The following C11orf65 variants were observed in gnomAD, a reference collection of about 807,000 sequenced individuals.
The protein encoded by C11orf65 is protein MFI.
Under a neutral mutation model 35.3 loss-of-function variants are expected in C11orf65, and 38 were observed. The observed-to-expected ratio is 1.08, with a 90% CI of 0.83 to 1.41. The LOEUF is 1.41. C11orf65 is among the 40% of genes most tolerant of loss of function. The probability of loss-of-function intolerance (pLI) is 0.00; values close to 1 mark genes in which losing one functional copy is unlikely to be tolerated. For synonymous variants in C11orf65, 105 were observed against 114.4 expected (o/e 0.92, Z 0.53); for missense variants, 370 against 367.1 (o/e 1.01, Z -0.06).
chr11:108,329,150 T>C (rs1565526951), downstream of C11orf65: 1 of 1,614,002 alleles, frequency 6.2e-7, no homozygotes, highest in Non-Finnish European at 8.5e-7. Flanking sequence ...CTACATGAAA[T>C]CATCGGAATT....
downstream of C11orf65, among the ~76,000 whole-genome samples, chr11:108,379,971 T>G (rs2091834429): frequency 6.6e-6 from 1 of 152,178 alleles, no homozygotes; most frequent in South Asian, 2.1e-4. Context: ...ACCCATTACA[T>G]GAGACATTTG....
chr11:108,444,499 G>T (rs4753843), intron 2 of C11orf65, among the ~76,000 whole-genome samples: 2 of 151,976 alleles, frequency 1.3e-5, no homozygotes, highest in African/African-American at 4.8e-5. Context: ...ACCAAAGCCT[G>T]GCAGAGACAC....
At chr11:108,396,491 T>C (rs987638063) in intron 6 of C11orf65, among the ~76,000 whole-genome samples, 4 of 152,134 alleles carry the variant, frequency 2.6e-5, no homozygotes, top group East Asian at 1.9e-4. Context: ...AAGAGAGTCA[T>C]AGTAATTGTT....
At chr11:108,447,862 G>C (rs941956680) in intron 2 of C11orf65, among the ~76,000 whole-genome samples, 2 of 151,986 alleles carry the variant, frequency 1.3e-5, no homozygotes, top group African/African-American at 2.4e-5. Flanking sequence ...TTTTTGAAAA[G>C]ATCAACAAAA....
chr11:108,348,369 TTAATA>T (rs1268402189), intron 2 of C11orf65, among the ~76,000 whole-genome samples: 3 of 151,436 alleles, frequency 2.0e-5, no homozygotes, highest in African/African-American at 7.3e-5. Context: ...AATAGACAGT[TTAATA>T]TATAAGAAAG....
chr11:108,366,087 G>T (rs758973253), intron 2 of C11orf65: 13 of 186,082 alleles, frequency 7.0e-5, no homozygotes, highest in Non-Finnish European at 1.1e-4. Flanking sequence ...AGATCACTCA[G>T]TGTTACTAAA....
downstream of C11orf65, chr11:108,330,459 G>A: frequency 1.9e-6 from 3 of 1,599,508 alleles, no homozygotes; most frequent in Non-Finnish European, 2.6e-6. Context: ...CCCTGTGCTT[G>A]AAAAACTTAG....
At chr11:108,326,362 T>C in intron 6 of C11orf65, 2 of 1,211,640 alleles carry the variant, frequency 1.7e-6, no homozygotes, top group African/African-American at 1.5e-5. Flanking sequence ...GTAAAACTAG[T>C]CTTGAAAATT....
intron 2 of C11orf65, among the ~76,000 whole-genome samples, chr11:108,448,936 T>A (rs755343261): frequency 1.3e-5 from 2 of 152,144 alleles, no homozygotes; most frequent in Non-Finnish European, 2.9e-5. Context: ...TTCAGTAAAG[T>A]CTCAGGATAC....
intron 2 of C11orf65, among the ~76,000 whole-genome samples, chr11:108,448,963 A>C (rs1239151913): frequency 6.6e-6 from 1 of 152,190 alleles, no homozygotes; most frequent in Non-Finnish European, 1.5e-5. Flanking sequence ...AATGTACAAA[A>C]ATCAGAAGCA....
chr11:108,312,487 A>T lies in C11orf65; in HGVS notation c.641-3416T>A, dbSNP rs1201228506. 6.4e-7 allele frequency: 1 copy of T among 1,565,294 alleles called. No individual in the cohort carries two copies. The highest frequency in any genetic ancestry group is 1.7e-5 in the Admixed American group (1 of 59,916). On this transcript the variant is annotated intron_variant, in intron 6 of 6. Transcript: ENST00000525729. ...TGAAAAAAGTAAAGAAGAAACTGGAATAAGTTTACAGGTAAATATTAGAGG... is the reference window on the plus strand; with the variant it reads ...TGAAAAAAGTAAAGAAGAAACTGGATTAAGTTTACAGGTAAATATTAGAGG...
chr11:108,404,586 CTT>C (rs71047693), intron 6 of C11orf65, among the ~76,000 whole-genome samples: 22 of 136,802 alleles, frequency 1.6e-4, no homozygotes, highest in Non-Finnish European at 2.3e-4. Context: ...TTTTTCTTTT[CTT>C]TTTTTTTTTT....
intron 2 of C11orf65, among the ~76,000 whole-genome samples, chr11:108,438,264 G>T (rs536511711): frequency 1.3e-5 from 2 of 152,216 alleles, no homozygotes; most frequent in African/African-American, 4.8e-5. Context: ...ATGGATCAAA[G>T]ATTTAGGTGG....
intron 2 of C11orf65, among the ~76,000 whole-genome samples, chr11:108,352,096 A>C (rs1055931395): frequency 6.6e-6 from 1 of 152,190 alleles, no homozygotes. Context: ...AATAACTAAA[A>C]GGTGTAGGTG....
intron 2 of C11orf65, among the ~76,000 whole-genome samples, chr11:108,450,428 G>A (rs988873851): frequency 2.0e-5 from 3 of 151,588 alleles, no homozygotes; most frequent in Non-Finnish European, 4.4e-5. Flanking sequence ...TATACACCAT[G>A]GAATACTATG....
At chr11:108,359,153 C>CT (rs1207704510) in intron 2 of C11orf65, among the ~76,000 whole-genome samples, 1 of 150,816 alleles carries the variant, frequency 6.6e-6, no homozygotes, top group Non-Finnish European at 1.5e-5. Context: ...ATCCTAGTCT[C>CT]TGATAAAACA....
intron 2 of C11orf65, 151 bp downstream of exon 2, chr11:108,461,328 A>G: frequency 1.7e-6 from 1 of 580,148 alleles, no homozygotes; most frequent in South Asian, 2.2e-5. Context: ...CAAACCTGGG[A>G]GGCAGAGGCT....
downstream of C11orf65, chr11:108,330,177 A>C (rs1185939931): frequency 1.9e-6 from 3 of 1,593,412 alleles, no homozygotes; most frequent in Non-Finnish European, 2.6e-6. Context: ...GTTAAAGTTC[A>C]TGGCTTTTGT....
chr11:108,332,335 G>A (rs2086352535), intron 3 of C11orf65, among the ~76,000 whole-genome samples: 1 of 152,096 alleles, frequency 6.6e-6, no homozygotes, highest in South Asian at 2.1e-4. Context: ...GGGAGGCTGA[G>A]GCAGGAGAAT....
Sources: allele counts gnomAD v4.1 joint callset (sites outside exome capture counted in the v4.1 genomes callset), GRCh38; gene constraint gnomAD v4.1.1; transcripts MANE v1.5; gene names NCBI Gene and HGNC (gene_info 2026-07-23, HGNC 2026-07-21).